Variants in ARSJ observed in about 807,000 individuals in gnomAD.
The protein encoded by ARSJ is arylsulfatase family member J.
In ARSJ, 26 loss-of-function variants were observed where a neutral mutation model predicts 35.9. That is an observed-to-expected ratio of 0.72 (90% CI 0.53 to 1.00). The LOEUF (loss-of-function observed/expected upper bound fraction) is 1.00, where lower values mean the gene tolerates loss of function less well. Ranked by LOEUF, ARSJ falls within the 50% of genes least tolerant of loss-of-function variation. The probability of loss-of-function intolerance (pLI) is 0.00; values close to 1 mark genes in which losing one functional copy is unlikely to be tolerated. For synonymous variants in ARSJ, 294 were observed against 267.6 expected, an observed-to-expected ratio of 1.10 and a Z score of -0.96; for missense variants, 667 against 723.6, an observed-to-expected ratio of 0.92 and a Z score of 0.90.
At chr4:113,956,818 A>G (rs1464018668) in intron 1 of ARSJ, among the ~76,000 whole-genome samples, 1 of 151,956 alleles carries the variant, frequency 6.6e-6, no homozygotes, top group Non-Finnish European at 1.5e-5. Flanking sequence ...AGTCTGAAAG[A>G]CTGCAGGGGC....
intron 1 of ARSJ, among the ~76,000 whole-genome samples, chr4:113,914,482 A>AG (rs1366078094): frequency 1.3e-5 from 2 of 151,652 alleles, no homozygotes; most frequent in African/African-American, 4.8e-5. Flanking sequence ...AGCCCAACAA[A>AG]AAAAATGGTA....
At chr4:113,915,815 G>A (rs765833852) in intron 1 of ARSJ, among the ~76,000 whole-genome samples, 1 of 152,184 alleles carries the variant, frequency 6.6e-6, no homozygotes, top group Non-Finnish European at 1.5e-5. Flanking sequence ...ATGAAAAGCA[G>A]ATGGTCTGCA....
chr4:113,941,574 G>A (rs1339104797), intron 1 of ARSJ, among the ~76,000 whole-genome samples: 1 of 151,926 alleles, frequency 6.6e-6, no homozygotes, highest in Non-Finnish European at 1.5e-5. Flanking sequence ...TGAGATAGAT[G>A]TGCTGTTAAA....
At chr4:113,909,542 G>A (rs72893440) in intron 1 of ARSJ, among the ~76,000 whole-genome samples, 5,272 of 152,136 alleles carry the variant, frequency 0.035, 321 homozygotes, top group African/African-American at 0.12. Context: ...TGCTATTCTC[G>A]TGATAGTAAG....
rs1287914093 is a variant in ARSJ, at chr4:113,968,048, C to A, written c.398+10389G>T. Among the ~76,000 whole-genome samples the A allele has an allele frequency of 2.0e-5, 3 of 152,108 alleles. No individual in the cohort carries two copies. The East Asian group carries it at 5.8e-4, about 29-fold the overall frequency. On this transcript the variant is annotated intron_variant, in intron 1 of 1. Transcript: ENST00000315366. ...TATGGGCTAAGTTAAAGTTTCCCAG[C>A]CTGGAGGTAACCAAGATTATCAAGG...
At chr4:113,919,641 A>G (rs1390484691) in intron 1 of ARSJ, among the ~76,000 whole-genome samples, 1 of 152,126 alleles carries the variant, frequency 6.6e-6, no homozygotes, top group Non-Finnish European at 1.5e-5. Context: ...TAGAAGGGAC[A>G]TGTGTGATGG....
At chr4:113,905,698 C>T (rs984881923) in intron 1 of ARSJ, among the ~76,000 whole-genome samples, 2 of 104,238 alleles carry the variant, frequency 1.9e-5, no homozygotes, top group African/African-American at 7.3e-5. Context: ...TAGACAGTCT[C>T]GCTCTATCAC....
intron 1 of ARSJ, among the ~76,000 whole-genome samples, chr4:113,919,770 T>C (rs998105487): frequency 6.6e-6 from 1 of 152,114 alleles, no homozygotes; most frequent in Non-Finnish European, 1.5e-5. Context: ...AGAAAAGCAC[T>C]GTGAATCTTG....
At chr4:113,955,793 T>C (rs566015843) in intron 1 of ARSJ, among the ~76,000 whole-genome samples, 9 of 152,214 alleles carry the variant, frequency 5.9e-5, no homozygotes, top group Non-Finnish European at 1.0e-4. Flanking sequence ...GTTTTTTGAT[T>C]CCAAATCCAG....
intron 1 of ARSJ, among the ~76,000 whole-genome samples, chr4:113,953,510 A>G (rs1725987817): frequency 6.6e-6 from 1 of 152,070 alleles, no homozygotes; most frequent in African/African-American, 2.4e-5. Flanking sequence ...ATGGATACAA[A>G]CTTAGTACAG....
At chr4:113,945,510 AT>A (rs1022608492) in intron 1 of ARSJ, among the ~76,000 whole-genome samples, 1 of 152,088 alleles carries the variant, frequency 6.6e-6, no homozygotes, top group Non-Finnish European at 1.5e-5. Context: ...TAAACTTTTA[AT>A]AGTTAGGATC....
At chr4:113,941,024 A>C (rs1173943645) in intron 1 of ARSJ, among the ~76,000 whole-genome samples, 1 of 152,038 alleles carries the variant, frequency 6.6e-6, no homozygotes, top group African/African-American at 2.4e-5. Flanking sequence ...AGTAGCCTTC[A>C]AAGAGTTATC....
intron 1 of ARSJ, among the ~76,000 whole-genome samples, chr4:113,962,436 CAA>C (rs1726606047): frequency 6.7e-6 from 1 of 149,702 alleles, no homozygotes; most frequent in South Asian, 2.1e-4. Flanking sequence ...ATATAATTGT[CAA>C]AGAGATTCCT....
Position 113,902,984 on chromosome 4 carries a change from G to C in ARSJ, c.1090C>G (p.Leu364Val). 1 of 1,614,140 alleles carries C rather than the reference G, an allele frequency of 6.2e-7. No homozygotes were observed. The highest frequency in any genetic ancestry group is 1.7e-5 in the Admixed American group (1 of 60,024). ...TTACACACTGTTCCCTTGTTTTTCA[G>C]AAGTGGGCTATGCACAAAGCCTACA... ...RAVGFVHSPL[L>V]KNKGTVCKEL... The change falls in exon 2 of 2, where the codon CTG becomes GTG. Residue 364 changes from leucine (L) to valine (V), a missense_variant. Transcript: ENST00000315366.
At chr4:113,958,809 A>G (rs1033014624) in intron 1 of ARSJ, among the ~76,000 whole-genome samples, 2 of 151,798 alleles carry the variant, frequency 1.3e-5, no homozygotes, top group Non-Finnish European at 2.9e-5. Context: ...ATTTCCCTAT[A>G]TTTTCTCCTC....
chr4:113,921,451 C>T (rs1167274400), intron 1 of ARSJ, among the ~76,000 whole-genome samples: 1 of 152,054 alleles, frequency 6.6e-6, no homozygotes, highest in East Asian at 1.9e-4. Context: ...TTAACGTTGA[C>T]TGAGAAGGGG....
chr4:113,954,590 C>G (rs946819790), intron 1 of ARSJ, among the ~76,000 whole-genome samples: 2 of 152,032 alleles, frequency 1.3e-5, no homozygotes, highest in Non-Finnish European at 1.5e-5. Context: ...ACATCTATCT[C>G]CCTTAACTTG....
At chr4:113,923,878 A>G (rs1723838663) in intron 1 of ARSJ, among the ~76,000 whole-genome samples, 1 of 150,974 alleles carries the variant, frequency 6.6e-6, no homozygotes, top group Non-Finnish European at 1.5e-5. Flanking sequence ...TAAAAGTTCT[A>G]TTGGATCACA....
chr4:113,933,594 A>G (rs2149265514), intron 1 of ARSJ, among the ~76,000 whole-genome samples: 2 of 152,038 alleles, frequency 1.3e-5, no homozygotes, highest in Middle Eastern at 6.8e-3. Context: ...CAATTATCAC[A>G]ATAAATTACA....
Sources: gnomAD v4.1 joint callset for allele counts (sites outside exome capture counted in the v4.1 genomes callset) on GRCh38, gnomAD v4.1.1 for gene constraint, MANE v1.5 for transcripts, NCBI Gene and HGNC (gene_info 2026-07-23, HGNC 2026-07-21) for gene names.